NTRK3: variants seen among roughly 807,000 people sequenced by gnomAD.
NTRK3 encodes NT-3 growth factor receptor.
A neutral mutation model predicts 91.7 loss-of-function variants in NTRK3; 24 were observed. The ratio of observed to expected loss-of-function variants is 0.26; its 90% CI spans 0.19 to 0.37. NTRK3 has a LOEUF of 0.37. NTRK3 is among the 10% of genes least tolerant of loss of function. The pLI is 1.00. For synonymous variants in NTRK3, 483 were observed against 404.0 expected, an observed-to-expected ratio of 1.20 and a Z score of -2.34; for missense variants, 880 against 1,068.9, an observed-to-expected ratio of 0.82 and a Z score of 2.46.
intron 3 of NTRK3, among the ~76,000 whole-genome samples, chr15:88,188,198 G>T (rs1218090884): frequency 6.6e-6 from 1 of 152,190 alleles, no homozygotes; most frequent in African/African-American, 2.4e-5. Flanking sequence ...GGGTGTCCTG[G>T]TTCAATCAGA....
At chr15:88,096,664 CT>C (rs2150819957) in intron 13 of NTRK3, among the ~76,000 whole-genome samples, 1 of 152,310 alleles carries the variant, frequency 6.6e-6, no homozygotes, top group East Asian at 1.9e-4. Flanking sequence ...CAACCCATAA[CT>C]AATTAATGGA....
intron 3 of NTRK3, among the ~76,000 whole-genome samples, chr15:88,195,264 GAT>G (rs2047720920): frequency 1.3e-5 from 2 of 152,096 alleles, no homozygotes; most frequent in Admixed American, 1.3e-4. Context: ...CAAAACCTCT[GAT>G]TATGTCACCT....
At chr15:87,915,927 T>A (rs1487363610) in intron 17 of NTRK3, among the ~76,000 whole-genome samples, 1 of 152,206 alleles carries the variant, frequency 6.6e-6, no homozygotes, top group Admixed American at 6.5e-5. Context: ...AATATCTGCC[T>A]GACTGCAATG....
intron 13 of NTRK3, among the ~76,000 whole-genome samples, chr15:88,057,737 A>G (rs778103977): frequency 6.6e-5 from 10 of 152,164 alleles, no homozygotes; most frequent in Non-Finnish European, 1.5e-4. Context: ...CCTGACTCCC[A>G]CTTCCAGCCA....
intron 17 of NTRK3, among the ~76,000 whole-genome samples, chr15:87,914,235 T>C (rs1425628858): frequency 6.6e-6 from 1 of 152,236 alleles, no homozygotes; most frequent in African/African-American, 2.4e-5. Context: ...ATTCTCTGTG[T>C]GCAATAATAA....
In NTRK3 at chr15:87,867,675, A is replaced by G. The variant is rs1428818128; in HGVS notation, c.*9260T>C. ...TAGCCCAGTGCTCTTCTCCTGCCCC[A>G]TGCTAACCGTTTTGGTTCACGTTCT... On this transcript the variant is annotated 3_prime_UTR_variant, in exon 19 of 19. Transcript: ENST00000394480. 4 of 228,944 alleles carry G rather than the reference A, an allele frequency of 1.7e-5. No homozygotes were observed. The Admixed American group carries it at 2.3e-4, about 13-fold the overall frequency. 14.2% of individuals were successfully genotyped at this position (228,944 alleles called of 1,614,324 possible).
At chr15:88,111,455 C>T (rs145928480) in intron 13 of NTRK3, among the ~76,000 whole-genome samples, 1 of 152,314 alleles carries the variant, frequency 6.6e-6, no homozygotes, top group East Asian at 1.9e-4. Context: ...AGCTTATTAA[C>T]TGATAAGAGG....
intron 13 of NTRK3, among the ~76,000 whole-genome samples, chr15:88,075,233 AG>A (rs2047434002): frequency 6.6e-6 from 1 of 152,314 alleles, no homozygotes; most frequent in South Asian, 2.1e-4. Flanking sequence ...GCCTGAGCCA[AG>A]CCCACCCGAG....
chr15:87,978,168 G>C (rs961744711), intron 14 of NTRK3: 1 of 230,474 alleles, frequency 4.3e-6, no homozygotes, highest in Non-Finnish European at 8.6e-6. Flanking sequence ...CTGAAGAAGG[G>C]AAAGTCACCC....
intron 13 of NTRK3, among the ~76,000 whole-genome samples, chr15:88,087,805 T>G (rs2048644176): frequency 6.6e-6 from 1 of 152,076 alleles, no homozygotes; most frequent in African/African-American, 2.4e-5. Context: ...TCCCAGCACT[T>G]TGGGAGGTCG....
chr15:88,052,400 A>G (rs185498047), intron 13 of NTRK3, among the ~76,000 whole-genome samples: 151 of 152,354 alleles, frequency 9.9e-4, no homozygotes, highest in African/African-American at 3.4e-3. Context: ...GGGAAAAATT[A>G]GTTGGAACCC....
chr15:88,101,406 T>C (rs1320111934), intron 13 of NTRK3, among the ~76,000 whole-genome samples: 2 of 152,208 alleles, frequency 1.3e-5, no homozygotes, highest in Non-Finnish European at 2.9e-5. Context: ...GGAACACTTT[T>C]ACACTGTTGG....
At chr15:88,081,724 C>G (rs1006571169) in intron 13 of NTRK3, among the ~76,000 whole-genome samples, 2 of 152,186 alleles carry the variant, frequency 1.3e-5, no homozygotes, top group Non-Finnish European at 2.9e-5. Flanking sequence ...ATAAATGGGG[C>G]TGAAGTACCT....
intron 5 of NTRK3, among the ~76,000 whole-genome samples, chr15:88,180,872 G>A (rs1344032510): frequency 6.6e-6 from 1 of 152,114 alleles, no homozygotes; most frequent in Non-Finnish European, 1.5e-5. Context: ...AAGCTGCCGG[G>A]AAATTTACTC....
intron 5 of NTRK3, among the ~76,000 whole-genome samples, chr15:88,173,824 G>C (rs1009289685): frequency 2.6e-5 from 4 of 152,252 alleles, no homozygotes; most frequent in South Asian, 2.1e-4. Flanking sequence ...TGGAGCTCTA[G>C]AGGCAAGCAA....
chr15:88,019,189 G>A (rs1305031816), intron 14 of NTRK3, among the ~76,000 whole-genome samples: 1 of 152,196 alleles, frequency 6.6e-6, no homozygotes, highest in Non-Finnish European at 1.5e-5. Context: ...GATACAAGGA[G>A]TAAAATGTAC....
At position 87,890,000 on chromosome 15, in the gene NTRK3, C is replaced by T. The variant is rs555114124; in HGVS notation, c.2134-9572G>A. On this transcript the variant is annotated intron_variant, in intron 17 of 18. Coordinates refer to ENST00000394480, the Ensembl canonical transcript of NTRK3. ...TTTATTTATTTATTGTTGATGATCC[C>T]GGGTCACTTGTCCCAAAAATTTCTC... Among the ~76,000 whole-genome samples, 5 of 147,028 alleles carry T rather than the reference C, an allele frequency of 3.4e-5. No homozygotes were observed. In the East Asian group the frequency reaches 8.0e-4, roughly 23 times the overall value.
chr15:88,140,928 G>A (rs1482066351), intron 6 of NTRK3, among the ~76,000 whole-genome samples: 1 of 152,174 alleles, frequency 6.6e-6, no homozygotes, highest in Non-Finnish European at 1.5e-5. Context: ...ATGGTACGTG[G>A]TGCTTTGTAG....
At position 88,244,767 on chromosome 15, in the gene NTRK3, C is replaced by A. The variant is rs533612348; in HGVS notation, c.248+11139G>T. Among the ~76,000 whole-genome samples the A allele has an allele frequency of 1.6e-4, 24 of 152,326 alleles. 1 individual carries two copies. The highest frequency in any genetic ancestry group is 1.4e-3 in the Admixed American group (21 of 15,304). ...TCCTATCCCATTGGATTCCTAAATT[C>A]TTTCTACCAGGGATGGTCCTGAAGC... On this transcript the variant is annotated intron_variant, in intron 3 of 18. Transcript: ENST00000394480.
Sources: allele counts gnomAD v4.1 joint callset (sites outside exome capture counted in the v4.1 genomes callset), GRCh38; gene constraint gnomAD v4.1.1; transcripts MANE v1.5; gene names NCBI Gene and HGNC (gene_info 2026-07-23, HGNC 2026-07-21).